The following MEGF9 variants were observed in gnomAD, a reference collection of about 807,000 sequenced individuals.
MEGF9 encodes multiple EGF like domains 9, also known as multiple epidermal growth factor-like domains protein 9.
Under a neutral mutation model 46.8 loss-of-function variants are expected in MEGF9, and 6 were observed. That is an observed-to-expected ratio of 0.13 (90% CI 0.07 to 0.25). MEGF9 has a LOEUF of 0.25. Ranked by LOEUF, MEGF9 falls within the 10% of genes least tolerant of loss-of-function variation. MEGF9 has a pLI of 1.00. For missense variants in MEGF9, 683 were observed against 792.4 expected, an observed-to-expected ratio of 0.86 and a Z score of 1.66; for synonymous variants, 302 against 330.7, an observed-to-expected ratio of 0.91 and a Z score of 0.94.
chr9:120,658,566 AT>A (rs2043687666), intron 2 of MEGF9, among the ~76,000 whole-genome samples: 2 of 152,212 alleles, frequency 1.3e-5, no homozygotes, highest in South Asian at 4.1e-4. Flanking sequence ...GTGAAAGGAA[AT>A]TACTTGCCCA....
chr9:120,655,393 C>T (rs1237790063), intron 2 of MEGF9, among the ~76,000 whole-genome samples: 1 of 152,140 alleles, frequency 6.6e-6, no homozygotes, highest in East Asian at 1.9e-4. Flanking sequence ...AAGCAACAGG[C>T]CATACTATAT....
chr9:120,685,759 A>T (rs756528789), intron 1 of MEGF9, among the ~76,000 whole-genome samples: 1 of 152,236 alleles, frequency 6.6e-6, no homozygotes, highest in Admixed American at 6.5e-5. Context: ...CCTCGAAGAG[A>T]TACTTGCACA....
At chr9:120,611,021 C>A (rs1475391099) in intron 4 of MEGF9, among the ~76,000 whole-genome samples, 1 of 152,090 alleles carries the variant, frequency 6.6e-6, no homozygotes, top group Non-Finnish European at 1.5e-5. Context: ...CAGGAACATG[C>A]AACTTAAAAC....
intron 2 of MEGF9, among the ~76,000 whole-genome samples, chr9:120,636,700 T>C (rs998780381): frequency 9.2e-5 from 14 of 152,158 alleles, no homozygotes; most frequent in African/African-American, 2.9e-4. Context: ...AAAATGGTGC[T>C]CCACACCTCT....
At chr9:120,682,590 C>T (rs910184702) in intron 1 of MEGF9, among the ~76,000 whole-genome samples, 5 of 151,864 alleles carry the variant, frequency 3.3e-5, no homozygotes, top group Admixed American at 6.6e-5. Flanking sequence ...CACACACACA[C>T]GCACACACAT....
intron 1 of MEGF9, among the ~76,000 whole-genome samples, chr9:120,671,251 CCCAATGAAT>C (rs1328309910): frequency 6.6e-6 from 1 of 152,112 alleles, no homozygotes; most frequent in African/African-American, 2.4e-5. Context: ...CATTTTGGTT[CCCAATGAAT>C]CCAGGGAGAG....
At chr9:120,674,178 A>C (rs1417478230) in intron 1 of MEGF9, among the ~76,000 whole-genome samples, 1 of 152,188 alleles carries the variant, frequency 6.6e-6, no homozygotes, top group African/African-American at 2.4e-5. Context: ...TTTGTTCTTC[A>C]AAAGACTGCT....
intron 1 of MEGF9, among the ~76,000 whole-genome samples, chr9:120,680,724 T>C (rs2043794987): frequency 2.6e-5 from 4 of 152,286 alleles, no homozygotes; most frequent in African/African-American, 9.6e-5. Flanking sequence ...TCTATTCTAC[T>C]GTGGCTAAGC....
intron 4 of MEGF9, among the ~76,000 whole-genome samples, chr9:120,609,465 C>T (rs780564115): frequency 6.6e-6 from 1 of 152,126 alleles, no homozygotes; most frequent in Non-Finnish European, 1.5e-5. Flanking sequence ...TACCTAGTTA[C>T]TTGTGTGTTT....
At chr9:120,712,689 A>G (rs1040557804) in intron 1 of MEGF9, among the ~76,000 whole-genome samples, 5 of 152,242 alleles carry the variant, frequency 3.3e-5, no homozygotes, top group Non-Finnish European at 4.4e-5. Context: ...ATTATAGTCC[A>G]AAGTCCATAC....
intron 1 of MEGF9, among the ~76,000 whole-genome samples, chr9:120,699,484 G>T (rs565326405): frequency 6.6e-6 from 1 of 152,012 alleles, no homozygotes; most frequent in South Asian, 2.1e-4. Context: ...TTGTGAGGCT[G>T]CGATAGGAAG....
chr9:120,650,776 T>G (rs755558794), intron 2 of MEGF9, among the ~76,000 whole-genome samples: 19 of 152,162 alleles, frequency 1.2e-4, no homozygotes, highest in Non-Finnish European at 2.4e-4. Flanking sequence ...GATATCAGAT[T>G]TCTTATGTCA....
At chr9:120,676,523 TACAG>T (rs539383853) in intron 1 of MEGF9, among the ~76,000 whole-genome samples, 2 of 152,196 alleles carry the variant, frequency 1.3e-5, no homozygotes, top group South Asian at 4.1e-4. Context: ...GAGATATCCA[TACAG>T]ACATTTTGAT....
intron 1 of MEGF9, among the ~76,000 whole-genome samples, chr9:120,680,565 T>TG (rs2043794049): frequency 6.6e-6 from 1 of 151,626 alleles, no homozygotes; most frequent in Admixed American, 6.6e-5. Flanking sequence ...GGGACTGCAC[T>TG]GGGTCAGACC....
chr9:120,636,667 A>T (rs781741683), intron 2 of MEGF9, among the ~76,000 whole-genome samples: 2 of 152,172 alleles, frequency 1.3e-5, no homozygotes, highest in African/African-American at 4.8e-5. Flanking sequence ...TGTTTTTTTT[A>T]AAACAGAAAA....
At chr9:120,693,864 C>G (rs1045294841) in intron 1 of MEGF9, among the ~76,000 whole-genome samples, 2 of 151,738 alleles carry the variant, frequency 1.3e-5, no homozygotes, top group Non-Finnish European at 2.9e-5. Flanking sequence ...TCATCTGACT[C>G]ATAACAGACA....
At chr9:120,639,958 C>A (rs185259156) in intron 2 of MEGF9, among the ~76,000 whole-genome samples, 46 of 152,274 alleles carry the variant, frequency 3.0e-4, no homozygotes, top group Non-Finnish European at 5.9e-4. Flanking sequence ...AGCTTTAGTA[C>A]CTCCTCTGCC....
At chr9:120,637,544 G>C (rs1362946572) in intron 2 of MEGF9, among the ~76,000 whole-genome samples, 1 of 150,018 alleles carries the variant, frequency 6.7e-6, no homozygotes. Context: ...CTGTAATCTC[G>C]GCACTTTGGG....
chr9:120,661,139 C>A (rs1293837394), intron 1 of MEGF9, among the ~76,000 whole-genome samples: 1 of 152,172 alleles, frequency 6.6e-6, no homozygotes, highest in Non-Finnish European at 1.5e-5. Context: ...TCTATACCTC[C>A]CACACTTCTG....
Sources: gnomAD v4.1 joint callset for allele counts (sites outside exome capture counted in the v4.1 genomes callset) on GRCh38, gnomAD v4.1.1 for gene constraint, MANE v1.5 for transcripts, NCBI Gene and HGNC (gene_info 2026-07-23, HGNC 2026-07-21) for gene names.